The following ARHGAP26 variants were observed in gnomAD, a reference collection of about 807,000 sequenced individuals.
ARHGAP26 encodes Rho GTPase activating protein 26.
In ARHGAP26, 38 loss-of-function variants were observed where a neutral mutation model predicts 104.8. The observed-to-expected ratio is 0.36, with a 90% CI of 0.28 to 0.48. The LOEUF (loss-of-function observed/expected upper bound fraction) is 0.48. Ranked by LOEUF, ARHGAP26 falls within the 20% of genes least tolerant of loss-of-function variation. The pLI is 0.99. For synonymous variants in ARHGAP26, 341 were observed against 340.0 expected (o/e 1.00, Z -0.03); for missense variants, 704 against 947.9 (o/e 0.74, Z 3.38).
Position 143,181,199 on chromosome 5 carries a change from C to CT in ARHGAP26, c.1989-25998dup, listed in dbSNP as rs1160215871. Among the ~76,000 whole-genome samples, 4 of 152,200 alleles carry CT rather than the reference C, an allele frequency of 2.6e-5. No homozygotes were observed. In the East Asian group the frequency reaches 7.7e-4, roughly 29 times the overall value. On this transcript the variant is annotated intron_variant, in intron 20 of 22. Transcript: ENST00000645722. ...ACCATGCAAGCTTGAACACAGCACT[C>CT]TCCTGCATAAGAGTCTTTGATGGCC...
intron 5 of ARHGAP26, among the ~76,000 whole-genome samples, chr5:142,892,610 G>C: frequency 6.7e-6 from 1 of 150,272 alleles, no homozygotes; most frequent in South Asian, 2.1e-4. Flanking sequence ...ATTTCTGTTT[G>C]GTTTGTTGAT....
chr5:142,980,525 A>C (rs1365499235), intron 11 of ARHGAP26, among the ~76,000 whole-genome samples: 1 of 151,836 alleles, frequency 6.6e-6, no homozygotes, highest in South Asian at 2.1e-4. Context: ...AGTGGCTGGG[A>C]TTACAGGTGC....
intron 13 of ARHGAP26, 31 bp from the exon 14 acceptor site, chr5:143,041,785 C>T (rs1378830150): frequency 2.6e-6 from 4 of 1,562,340 alleles, no homozygotes; most frequent in Non-Finnish European, 3.5e-6. Context: ...TGACGTGCCT[C>T]TAATTAAATC....
chr5:143,002,571 A>G (rs1008237414), intron 11 of ARHGAP26, among the ~76,000 whole-genome samples: 1 of 152,180 alleles, frequency 6.6e-6, no homozygotes, highest in East Asian at 1.9e-4. Context: ...CTAGAGCCGT[A>G]AGACTCCTCA....
At chr5:143,157,351 A>G (rs1291341593) in intron 20 of ARHGAP26, among the ~76,000 whole-genome samples, 1 of 151,826 alleles carries the variant, frequency 6.6e-6, no homozygotes, top group African/African-American at 2.4e-5. Context: ...TAATTTTTAT[A>G]TGTTTTGGCA....
chr5:143,072,472 A>G (rs1488113383), intron 17 of ARHGAP26, among the ~76,000 whole-genome samples: 2 of 152,234 alleles, frequency 1.3e-5, no homozygotes, highest in Admixed American at 6.5e-5. Flanking sequence ...TTGCACCACT[A>G]TTCATGATAA....
intron 18 of ARHGAP26, among the ~76,000 whole-genome samples, chr5:143,132,489 A>G (rs1797464413): frequency 2.0e-5 from 3 of 151,928 alleles, no homozygotes; most frequent in Non-Finnish European, 4.4e-5. Flanking sequence ...TGATTTTTCA[A>G]TATATAGTGG....
intron 11 of ARHGAP26, among the ~76,000 whole-genome samples, chr5:143,005,373 A>G (rs1432295151): frequency 1.3e-5 from 2 of 152,226 alleles, no homozygotes; most frequent in Admixed American, 6.5e-5. Context: ...CTCATTTCCC[A>G]TAGTTGTAAT....
chr5:143,186,375 G>A (rs1805136422), intron 20 of ARHGAP26, among the ~76,000 whole-genome samples: 1 of 152,018 alleles, frequency 6.6e-6, no homozygotes, highest in Non-Finnish European at 1.5e-5. Flanking sequence ...CTCCACATGG[G>A]GCTCCTAAGA....
intron 10 of ARHGAP26, among the ~76,000 whole-genome samples, chr5:142,917,861 T>C (rs973364701): frequency 6.6e-6 from 1 of 151,730 alleles, no homozygotes; most frequent in Non-Finnish European, 1.5e-5. Flanking sequence ...AAGGTGACAC[T>C]CTTTTTTTTT....
At chr5:143,121,324 G>A (rs531511257) in intron 18 of ARHGAP26, among the ~76,000 whole-genome samples, 177 bp downstream of exon 18, 3 of 152,190 alleles carry the variant, frequency 2.0e-5, no homozygotes, top group African/African-American at 4.8e-5. Context: ...GGTGGTAAAG[G>A]TGTCAACCGT....
chr5:143,193,723 C>T (rs1430762995), intron 20 of ARHGAP26, among the ~76,000 whole-genome samples: 3 of 152,056 alleles, frequency 2.0e-5, no homozygotes, highest in Non-Finnish European at 1.5e-5. Context: ...GAGGCTGCTA[C>T]GGTTTATGGT....
chr5:143,183,506 C>T (rs560769261), intron 20 of ARHGAP26, among the ~76,000 whole-genome samples: 5 of 152,264 alleles, frequency 3.3e-5, no homozygotes, highest in East Asian at 3.9e-4. Context: ...GCTAACCCAC[C>T]GGGAGTTGGC....
intron 11 of ARHGAP26, among the ~76,000 whole-genome samples, chr5:143,013,106 A>G (rs796340226): frequency 6.6e-5 from 10 of 152,336 alleles, no homozygotes; most frequent in African/African-American, 2.2e-4. Context: ...ACAAATATCT[A>G]TAATTGACTT....
At chr5:143,086,218 GTTGCATATAGCCA>G (rs746018829) in intron 17 of ARHGAP26, among the ~76,000 whole-genome samples, 2 of 152,160 alleles carry the variant, frequency 1.3e-5, no homozygotes, top group Non-Finnish European at 2.9e-5. Flanking sequence ...GCTATATTAA[GTTGCATATAGCCA>G]TTCAAGGAAC....
chr5:142,973,966 AG>A (rs1772651341), intron 11 of ARHGAP26, among the ~76,000 whole-genome samples: 2 of 152,246 alleles, frequency 1.3e-5, no homozygotes, highest in South Asian at 4.2e-4. Flanking sequence ...TACATTTTGA[AG>A]ATTATTTTAG....
At chr5:142,970,751 G>A (rs924926640) in intron 11 of ARHGAP26, among the ~76,000 whole-genome samples, 1 of 152,170 alleles carries the variant, frequency 6.6e-6, no homozygotes, top group African/African-American at 2.4e-5. Flanking sequence ...TGGATGTGGG[G>A]CAAGTAGAAA....
At chr5:142,834,159 T>G (rs1769086602) in intron 1 of ARHGAP26, among the ~76,000 whole-genome samples, 1 of 152,208 alleles carries the variant, frequency 6.6e-6, no homozygotes, top group Non-Finnish European at 1.5e-5. Flanking sequence ...TTTAAACTAT[T>G]TAAATGTAAG....
intron 11 of ARHGAP26, among the ~76,000 whole-genome samples, chr5:142,988,284 G>A (rs1775068211): frequency 6.6e-6 from 1 of 152,196 alleles, no homozygotes; most frequent in Non-Finnish European, 1.5e-5. Context: ...GCATAGAGGT[G>A]TTTATAGTAT....
Sources: gnomAD v4.1 joint callset for allele counts (sites outside exome capture counted in the v4.1 genomes callset) on GRCh38, gnomAD v4.1.1 for gene constraint, MANE v1.5 for transcripts, NCBI Gene and HGNC (gene_info 2026-07-23, HGNC 2026-07-21) for gene names.